The following MGLL variants were observed in gnomAD, a reference collection of about 807,000 sequenced individuals.
MGLL encodes monoglyceride lipase.
Under a neutral mutation model 29.1 loss-of-function variants are expected in MGLL, and 7 were observed. That is an observed-to-expected ratio of 0.24 (90% confidence interval 0.14 to 0.45). The LOEUF (loss-of-function observed/expected upper bound fraction) is 0.45, where lower values mean the gene tolerates loss of function less well. Among genes scored for constraint, MGLL ranks in the 20% least tolerant of loss-of-function variants. MGLL has a pLI of 0.99. For synonymous variants in MGLL, 148 were observed against 168.3 expected (o/e 0.88, Z 0.93); for missense variants, 356 against 413.6 (o/e 0.86, Z 1.21).
chr3:127,721,011 G>A (rs779995358), intron 5 of MGLL, 42 bp downstream of exon 5: 24 of 1,546,350 alleles, frequency 1.6e-5, no homozygotes, highest in African/African-American at 5.4e-5. Context: ...CCCATGTCCC[G>A]GGGAACCTGT....
chr3:127,774,622 C>T (rs1264958491), intron 3 of MGLL, among the ~76,000 whole-genome samples: 2 of 152,238 alleles, frequency 1.3e-5, no homozygotes, highest in Non-Finnish European at 2.9e-5. Flanking sequence ...CTGCACCTTT[C>T]TTTGCAGGTG....
intron 6 of MGLL, among the ~76,000 whole-genome samples, chr3:127,696,396 CTTTTTTTTTTTTTTTTTTTTTT>C (rs545853423): frequency 1.2e-4 from 6 of 49,346 alleles, no homozygotes; most frequent in East Asian, 1.1e-3. Flanking sequence ...CCTGATGCTT[CTTTTTTTTTTTTTTTTTTTTTT>C]TTTTTTTTTT....
rs963000834 is a variant in MGLL at position 127,710,482 on chromosome 3, G to A, written c.600+94C>T. ...CACTTTGCACAGGGCCTCGGTGAAA[G>A]GGCAGCAGAGAATGCCAAGGCTGGA... On this transcript the variant is annotated intron_variant, in intron 6 of 7. Transcript: ENST00000265052. 3.6e-5 allele frequency: 41 copies of A among 1,125,952 alleles called. No homozygotes were observed. The East Asian group carries it at 4.1e-4, about 11-fold the overall frequency. 69.7% of individuals were successfully genotyped at this position (1,125,952 alleles called of 1,614,324 possible).
At chr3:127,705,410 A>C (rs2075581022) in intron 6 of MGLL, among the ~76,000 whole-genome samples, 1 of 152,138 alleles carries the variant, frequency 6.6e-6, no homozygotes, top group Non-Finnish European at 1.5e-5. Context: ...AAAAAGAAAA[A>C]GAAAAACAAT....
intron 7 of MGLL, among the ~76,000 whole-genome samples, chr3:127,693,689 G>T (rs1324388691): frequency 6.6e-6 from 1 of 152,108 alleles, no homozygotes; most frequent in Non-Finnish European, 1.5e-5. Flanking sequence ...TAGGGGCACC[G>T]ACTCCTCTCC....
At chr3:127,787,684 AG>A (rs1410618719) in intron 2 of MGLL, among the ~76,000 whole-genome samples, 1 of 152,134 alleles carries the variant, frequency 6.6e-6, no homozygotes, top group Non-Finnish European at 1.5e-5. Context: ...TCCTCGCTGG[AG>A]GGGTGGGAGC....
At chr3:127,757,929 T>C (rs1576556537) in intron 3 of MGLL, among the ~76,000 whole-genome samples, 2 of 152,240 alleles carry the variant, frequency 1.3e-5, no homozygotes, top group East Asian at 3.8e-4. Flanking sequence ...GCTGATGTTA[T>C]TCCATCAAAT....
intron 2 of MGLL, among the ~76,000 whole-genome samples, chr3:127,820,330 G>A (rs1004934351): frequency 4.6e-5 from 7 of 152,228 alleles, no homozygotes; most frequent in African/African-American, 1.2e-4. Flanking sequence ...ACCCGCAGGC[G>A]AAGGGAGGGC....
intron 3 of MGLL, among the ~76,000 whole-genome samples, chr3:127,752,255 C>T (rs1274738202): frequency 1.3e-5 from 2 of 152,262 alleles, no homozygotes; most frequent in East Asian, 3.9e-4. Flanking sequence ...TGCCACCACT[C>T]CCAGCTAATT....
At chr3:127,801,825 AT>A (rs1379074473) in intron 2 of MGLL, among the ~76,000 whole-genome samples, 1 of 148,516 alleles carries the variant, frequency 6.7e-6, no homozygotes, top group Non-Finnish European at 1.5e-5. Context: ...AAATATTTAT[AT>A]ATATAATTTT....
At chr3:127,718,651 C>T (rs1164603545) in intron 5 of MGLL, among the ~76,000 whole-genome samples, 1 of 152,176 alleles carries the variant, frequency 6.6e-6, no homozygotes, top group African/African-American at 2.4e-5. Flanking sequence ...GTACCCCCGA[C>T]ATGCATGGAG....
intron 2 of MGLL, among the ~76,000 whole-genome samples, chr3:127,820,654 C>T (rs2077842495): frequency 6.6e-6 from 1 of 152,148 alleles, no homozygotes. Context: ...CAACAACCCC[C>T]CCACTTCCTC....
intron 5 of MGLL, among the ~76,000 whole-genome samples, chr3:127,719,810 A>C (rs942511954): frequency 1.3e-5 from 2 of 152,184 alleles, no homozygotes; most frequent in African/African-American, 4.8e-5. Flanking sequence ...CATGATAGTC[A>C]ATTTCAGTAA....
chr3:127,800,811 G>A (rs1167266955), intron 2 of MGLL, among the ~76,000 whole-genome samples: 2 of 152,242 alleles, frequency 1.3e-5, no homozygotes, highest in Non-Finnish European at 2.9e-5. Context: ...GTCAGAGCAT[G>A]TGCTTCACCC....
intron 2 of MGLL, among the ~76,000 whole-genome samples, chr3:127,794,355 GA>G (rs569040519): frequency 6.9e-4 from 101 of 145,526 alleles, no homozygotes; most frequent in African/African-American, 1.9e-3. Flanking sequence ...TGAGGCAGGA[GA>G]AAAAAAAAAA....
chr3:127,726,527 C>T (rs1559926852), intron 3 of MGLL, among the ~76,000 whole-genome samples: 1 of 152,112 alleles, frequency 6.6e-6, no homozygotes, highest in South Asian at 2.1e-4. Context: ...GCAAGCTCCA[C>T]CTCCCAGGTT....
intron 3 of MGLL, among the ~76,000 whole-genome samples, chr3:127,749,956 T>A (rs2076526532): frequency 6.6e-6 from 1 of 151,742 alleles, no homozygotes; most frequent in African/African-American, 2.4e-5. Flanking sequence ...GCCCAGTAGG[T>A]GGGAACAGAG....
intron 3 of MGLL, among the ~76,000 whole-genome samples, chr3:127,750,057 C>T (rs1407526498): frequency 6.6e-6 from 1 of 152,044 alleles, no homozygotes; most frequent in Non-Finnish European, 1.5e-5. Context: ...GACTTTTACC[C>T]CGAGGGAGGT....
intron 2 of MGLL, among the ~76,000 whole-genome samples, chr3:127,801,735 A>C (rs951917832): frequency 2.0e-5 from 3 of 150,372 alleles, no homozygotes; most frequent in African/African-American, 7.3e-5. Flanking sequence ...AAGAAAGAAA[A>C]AATATATATG....
Sources: allele counts gnomAD v4.1 joint callset (sites outside exome capture counted in the v4.1 genomes callset), GRCh38; gene constraint gnomAD v4.1.1; transcripts MANE v1.5; gene names NCBI Gene and HGNC (gene_info 2026-07-23, HGNC 2026-07-21).